LYRM4: variants seen among roughly 807,000 people sequenced by gnomAD.
LYRM4 encodes LYR motif-containing protein 4.
Under a neutral mutation model 11.7 loss-of-function variants are expected in LYRM4, and 9 were observed. The observed-to-expected ratio is 0.77, with a 90% CI of 0.46 to 1.34. LYRM4 has a LOEUF of 1.34. LYRM4 is among the 40% of genes most tolerant of loss of function. The pLI, the probability that LYRM4 is intolerant of heterozygous loss-of-function variation, is 0.00. For missense variants in LYRM4, 133 were observed against 112.5 expected, an observed-to-expected ratio of 1.18 and a Z score of -0.82; for synonymous variants, 42 against 40.4, an observed-to-expected ratio of 1.04 and a Z score of -0.15.
chr6:5,236,416 A>C (rs1763545469), intron 1 of LYRM4: 1 of 151,854 alleles, frequency 6.6e-6, no homozygotes, highest in Non-Finnish European at 1.5e-5. Flanking sequence ...GGTGAGCTGA[A>C]ACAGCACCAC....
rs529699639 is a variant in LYRM4 at position 5,174,023 on chromosome 6, T to C, written c.207+42595A>G. ...AGGTCCAAGGAGGAAGCTTCCATTT[T>C]GTCCTGAGCCCCAGGATTCTGTGAG... is the stretch of plus-strand genomic sequence containing the variant. On this transcript the variant is annotated intron_variant, in intron 2 of 2. Coordinates refer to ENST00000330636, the MANE Select transcript of LYRM4 (RefSeq NM_020408.6). 5.9e-4 allele frequency among the ~76,000 whole-genome samples: 90 copies of C among 152,346 alleles called. 2 individuals are homozygous for C. The highest frequency in any genetic ancestry group is 2.1e-3 in the African/African-American group (89 of 41,578).
At chr6:5,253,867 GTCT>G (rs1764549667) in intron 1 of LYRM4, among the ~76,000 whole-genome samples, 1 of 150,902 alleles carries the variant, frequency 6.6e-6, no homozygotes, top group East Asian at 1.9e-4. Context: ...TTGAAGTGTT[GTCT>G]TCTCTTATTC....
In LYRM4 at chr6:5,159,171, G is replaced by C. The variant is rs369354637; in HGVS notation, c.208-49680C>G. On this transcript the variant is annotated intron_variant, in intron 2 of 2. Transcript: ENST00000330636. ...ACTCTTCCAAAGGAACTGTATACTAGGCAGGTAGGATGGTCCCCATGGGGT... is the reference window on the plus strand; with the variant it reads ...ACTCTTCCAAAGGAACTGTATACTACGCAGGTAGGATGGTCCCCATGGGGT... Among the ~76,000 whole-genome samples, 32 of 152,368 alleles carry C rather than the reference G, an allele frequency of 2.1e-4. No homozygotes were observed. The South Asian group carries it at 6.4e-3, about 31-fold the overall frequency.
At chr6:5,154,692 G>A (rs1403874374) in intron 2 of LYRM4, among the ~76,000 whole-genome samples, 2 of 152,128 alleles carry the variant, frequency 1.3e-5, no homozygotes, top group Non-Finnish European at 1.5e-5. Context: ...GGTGTCACGC[G>A]CCTGTAGTCC....
intron 1 of LYRM4, among the ~76,000 whole-genome samples, chr6:5,243,614 T>C (rs971338410): frequency 1.6e-4 from 22 of 134,816 alleles, no homozygotes; most frequent in African/African-American, 7.1e-4. Flanking sequence ...GCCTGAAGTA[T>C]ATGAAGCGTT....
chr6:5,048,915 G>T, the LYRM4 span, among the ~76,000 whole-genome samples: 6 of 152,302 alleles, frequency 3.9e-5, no homozygotes, highest in East Asian at 3.9e-4. Context: ...GAATTAGCAG[G>T]ACTTGTTCCA....
At chr6:5,125,893 C>T (rs1004706321) in intron 2 of LYRM4, among the ~76,000 whole-genome samples, 9 of 152,158 alleles carry the variant, frequency 5.9e-5, no homozygotes, top group Middle Eastern at 3.2e-3. Flanking sequence ...TCAAACAAGG[C>T]GGCTGATCCA....
At chr6:5,154,810 C>T (rs368695256) in intron 2 of LYRM4, among the ~76,000 whole-genome samples, 2 of 151,228 alleles carry the variant, frequency 1.3e-5, no homozygotes, top group East Asian at 3.9e-4. Context: ...CAGAGCGAGA[C>T]TCCGTCTCAA....
At chr6:5,094,959 A>T in the LYRM4 span, among the ~76,000 whole-genome samples, 1 of 152,196 alleles carries the variant, frequency 6.6e-6, no homozygotes, top group Admixed American at 6.5e-5. Context: ...TTTACTGTGT[A>T]TTTAAAAGTA....
intron 1 of LYRM4, among the ~76,000 whole-genome samples, chr6:5,240,051 C>T (rs1033346689): frequency 2.0e-5 from 3 of 152,134 alleles, no homozygotes; most frequent in African/African-American, 7.2e-5. Flanking sequence ...TTAAGGTAAA[C>T]AGGGCAAAAT....
intron 2 of LYRM4, among the ~76,000 whole-genome samples, chr6:5,154,524 A>G (rs960372103): frequency 6.6e-6 from 1 of 152,196 alleles, no homozygotes; most frequent in African/African-American, 2.4e-5. Context: ...ATTAAAAAGA[A>G]AGGCGGATTC....
the LYRM4 span, among the ~76,000 whole-genome samples, chr6:5,063,075 C>T: frequency 2.0e-5 from 3 of 152,294 alleles, 1 homozygote; most frequent in South Asian, 6.2e-4. Context: ...ATCTCTGCAC[C>T]TCCTTCTCAA....
chr6:5,200,102 T>A (rs960571330), intron 2 of LYRM4, among the ~76,000 whole-genome samples: 1 of 152,226 alleles, frequency 6.6e-6, no homozygotes, highest in Non-Finnish European at 1.5e-5. Context: ...ACTGTAGATG[T>A]ACTTGGAATC....
chr6:5,040,751 C>T, the LYRM4 span, among the ~76,000 whole-genome samples: 1 of 152,092 alleles, frequency 6.6e-6, no homozygotes, highest in South Asian at 2.1e-4. Flanking sequence ...CAAAGTATCA[C>T]ATTACCCCCA....
intron 2 of LYRM4, chr6:5,136,846 A>G (rs1757125498): frequency 1.0e-6 from 1 of 982,560 alleles, no homozygotes; most frequent in Non-Finnish European, 1.2e-6. Flanking sequence ...TTATGGAGAT[A>G]TAATTCATAC....
At chr6:5,085,660 C>G in the LYRM4 span, 18 of 1,548,626 alleles carry the variant, frequency 1.2e-5, no homozygotes, top group East Asian at 1.7e-4. Context: ...GGATAGGCCC[C>G]TGTCCCCGAA....
intron 1 of LYRM4, among the ~76,000 whole-genome samples, chr6:5,231,063 G>A (rs373699994): frequency 1.3e-3 from 200 of 152,292 alleles, no homozygotes; most frequent in Non-Finnish European, 2.6e-3. Context: ...GATCATTTGA[G>A]GTTAGGAGTT....
At chr6:5,218,688 C>G (rs1166332368) in intron 1 of LYRM4, among the ~76,000 whole-genome samples, 1 of 152,158 alleles carries the variant, frequency 6.6e-6, no homozygotes, top group Non-Finnish European at 1.5e-5. Flanking sequence ...AGCGATTGGG[C>G]ATGGAATCCA....
chr6:5,223,784 C>T (rs1246913007), intron 1 of LYRM4, among the ~76,000 whole-genome samples: 2 of 152,142 alleles, frequency 1.3e-5, no homozygotes, highest in Non-Finnish European at 1.5e-5. Context: ...AATGGAGGCT[C>T]GTGGAGTGGC....
Sources: allele counts gnomAD v4.1 joint callset (sites outside exome capture counted in the v4.1 genomes callset), GRCh38; gene constraint gnomAD v4.1.1; transcripts MANE v1.5; gene names NCBI Gene and HGNC (gene_info 2026-07-23, HGNC 2026-07-21).